SHANK2: variants seen among roughly 807,000 people sequenced by gnomAD.
The protein encoded by SHANK2 is SH3 and multiple ankyrin repeat domains 2.
A neutral mutation model predicts 133.7 loss-of-function variants in SHANK2; 43 were observed. The ratio of observed to expected loss-of-function variants is 0.32; its 90% confidence interval spans 0.25 to 0.41. The LOEUF (loss-of-function observed/expected upper bound fraction) is 0.41, where lower values mean the gene tolerates loss of function less well. Among genes scored for constraint, SHANK2 ranks in the 10% least tolerant of loss-of-function variants. The probability of loss-of-function intolerance (pLI) is 1.00; values close to 1 mark genes in which losing one functional copy is unlikely to be tolerated. For synonymous variants in SHANK2, 1,017 were observed against 952.8 expected, an observed-to-expected ratio of 1.07 and a Z score of -1.24; for missense variants, 1,994 against 2,235.8, an observed-to-expected ratio of 0.89 and a Z score of 2.18.
At chr11:71,057,369 C>G (rs1271568537) in intron 9 of SHANK2, among the ~76,000 whole-genome samples, 1 of 151,872 alleles carries the variant, frequency 6.6e-6, no homozygotes, top group Non-Finnish European at 1.5e-5. Flanking sequence ...AAAAACAAAA[C>G]CCCCAATAAT....
At chr11:70,817,047 C>T (rs1054667613) in intron 12 of SHANK2, among the ~76,000 whole-genome samples, 4 of 152,224 alleles carry the variant, frequency 2.6e-5, no homozygotes, top group Non-Finnish European at 1.5e-5. Context: ...CCCCCGAATG[C>T]ATATGGCCCT....
intron 11 of SHANK2, among the ~76,000 whole-genome samples, chr11:70,828,947 G>A (rs564629619): frequency 3.9e-5 from 6 of 152,350 alleles, no homozygotes; most frequent in Admixed American, 6.5e-5. Flanking sequence ...CTGCTCCGGC[G>A]CTGCTGCCTC....
chr11:70,553,401 ATC>A (rs782805328), intron 17 of SHANK2, among the ~76,000 whole-genome samples: 21 of 152,088 alleles, frequency 1.4e-4, no homozygotes, highest in Non-Finnish European at 2.6e-4. Context: ...CCTGATCTTA[ATC>A]ATCTCTTTAA....
intron 14 of SHANK2, among the ~76,000 whole-genome samples, chr11:70,789,629 C>T (rs184082923): frequency 2.0e-5 from 3 of 152,312 alleles, no homozygotes; most frequent in South Asian, 2.1e-4. Flanking sequence ...GTGGTGCATA[C>T]GGCACAGGAC....
At chr11:70,684,305 C>T (rs1945097284) in intron 15 of SHANK2, among the ~76,000 whole-genome samples, 1 of 152,100 alleles carries the variant, frequency 6.6e-6, no homozygotes, top group African/African-American at 2.4e-5. Context: ...CGCATGCATC[C>T]CAGCAGTATG....
chr11:70,675,643 G>A (rs1442189081), intron 15 of SHANK2, among the ~76,000 whole-genome samples: 1 of 152,224 alleles, frequency 6.6e-6, no homozygotes, highest in African/African-American at 2.4e-5. Flanking sequence ...GAAAGAACTG[G>A]AGAAGGAATT....
chr11:70,694,034 G>A (rs978730896), intron 15 of SHANK2, among the ~76,000 whole-genome samples: 1 of 152,188 alleles, frequency 6.6e-6, no homozygotes, highest in South Asian at 2.1e-4. Context: ...GAGACCCTGA[G>A]TTCTCCCCCA....
intron 14 of SHANK2, among the ~76,000 whole-genome samples, chr11:70,722,373 G>A (rs371847216): frequency 3.3e-5 from 5 of 152,308 alleles, no homozygotes; most frequent in East Asian, 1.9e-4. Context: ...AACCCTAAGG[G>A]ACATGAAGGC....
chr11:70,548,153 A>G (rs1268192114), intron 17 of SHANK2, among the ~76,000 whole-genome samples: 1 of 152,248 alleles, frequency 6.6e-6, no homozygotes, highest in Non-Finnish European at 1.5e-5. Context: ...GGTTGCCAGC[A>G]TCCGGGTGGG....
chr11:70,493,316 G>C (rs182989582), intron 21 of SHANK2, among the ~76,000 whole-genome samples: 1 of 145,274 alleles, frequency 6.9e-6, no homozygotes. Context: ...GTTAGTAAGT[G>C]TTGCAGAGGG....
At position 70,599,927 on chromosome 11, in the gene SHANK2, G is replaced by GAA. The variant is rs1188976351; in HGVS notation, c.2061+59899_2061+59900dup. Among the ~76,000 whole-genome samples the GAA allele has an allele frequency of 2.6e-4, 31 of 117,134 alleles. 1 individual carries two copies. The highest frequency in any genetic ancestry group is 1.4e-3 in the African/African-American group (31 of 22,274). 76.8% of individuals were successfully genotyped at this position (117,134 alleles called of 152,430 possible). A position where few individuals can be genotyped will look rare whatever the true frequency, so the allele number is the denominator to read the frequency against. ...AAAGAGAAAGAAAGAAAGAAAGAAA[G>GAA]AAAGAAAGAAAGAAAGAAAGAAAGA... is the stretch of plus-strand genomic sequence containing the variant. On this transcript the variant is annotated intron_variant, in intron 17 of 25. Coordinates refer to ENST00000601538, the MANE Select transcript of SHANK2 (RefSeq NM_012309.5).
At chr11:70,609,867 G>A (rs115971191) in intron 17 of SHANK2, among the ~76,000 whole-genome samples, 1,024 of 9,346 alleles carry the variant, frequency 0.11, 13 homozygotes, top group African/African-American at 0.22. Context: ...AATATAATTC[G>A]GGCATGAAAA....
intron 17 of SHANK2, among the ~76,000 whole-genome samples, chr11:70,538,317 G>A (rs575730120): frequency 6.6e-6 from 1 of 152,370 alleles, no homozygotes; most frequent in South Asian, 2.1e-4. Flanking sequence ...GACCCGGAGG[G>A]ACCAGGGGAT....
At chr11:70,607,057 A>G (rs1554992683) in intron 17 of SHANK2, among the ~76,000 whole-genome samples, 3 of 152,240 alleles carry the variant, frequency 2.0e-5, no homozygotes, top group African/African-American at 2.4e-5. Flanking sequence ...GGTCAGTGGA[A>G]GTCCAAAATC....
intron 2 of SHANK2, among the ~76,000 whole-genome samples, chr11:71,223,857 T>C (rs1954597964): frequency 6.6e-6 from 1 of 152,132 alleles, no homozygotes; most frequent in Non-Finnish European, 1.5e-5. Flanking sequence ...CTCATCTGTC[T>C]GCAGCCACAC....
intron 3 of SHANK2, among the ~76,000 whole-genome samples, chr11:71,137,581 C>G (rs1302174364): frequency 1.3e-5 from 2 of 152,126 alleles, no homozygotes; most frequent in African/African-American, 4.8e-5. Flanking sequence ...GAAGTTCTAT[C>G]GGTGCCAGGG....
intron 14 of SHANK2, among the ~76,000 whole-genome samples, chr11:70,788,369 T>C (rs1555047165): frequency 6.6e-6 from 1 of 152,208 alleles, no homozygotes; most frequent in Non-Finnish European, 1.5e-5. Flanking sequence ...TCTGAAAATA[T>C]TGAACAGAAA....
intron 11 of SHANK2, among the ~76,000 whole-genome samples, chr11:70,870,005 G>A (rs1949432930): frequency 6.6e-6 from 1 of 152,164 alleles, no homozygotes; most frequent in Non-Finnish European, 1.5e-5. Flanking sequence ...TACGAATGGG[G>A]CCTTAACTGG....
intron 14 of SHANK2, among the ~76,000 whole-genome samples, chr11:70,785,384 C>T (rs911337310): frequency 4.6e-5 from 7 of 152,160 alleles, no homozygotes; most frequent in African/African-American, 1.7e-4. Flanking sequence ...GCTCCAGATG[C>T]CCCCCAAAGC....
Sources: allele counts gnomAD v4.1 joint callset (sites outside exome capture counted in the v4.1 genomes callset), GRCh38; gene constraint gnomAD v4.1.1; transcripts MANE v1.5; gene names NCBI Gene and HGNC (gene_info 2026-07-23, HGNC 2026-07-21).